SLC25A21: variants seen among roughly 807,000 people sequenced by gnomAD.
The protein encoded by SLC25A21 is solute carrier family 25 member 21, also known as mitochondrial 2-oxodicarboxylate carrier.
In SLC25A21, 47 loss-of-function variants were observed where a neutral mutation model predicts 43.8. The ratio of observed to expected loss-of-function variants is 1.07; its 90% confidence interval spans 0.85 to 1.37. SLC25A21 has a LOEUF of 1.37. Among genes scored for constraint, SLC25A21 ranks in the 40% most tolerant of loss-of-function variants. The pLI, the probability that SLC25A21 is intolerant of heterozygous loss-of-function variation, is 0.00. For synonymous variants in SLC25A21, 131 were observed against 121.3 expected (o/e 1.08, Z -0.52); for missense variants, 352 against 350.2 (o/e 1.00, Z -0.04).
intron 4 of SLC25A21, among the ~76,000 whole-genome samples, chr14:36,731,851 C>T (rs1336936817): frequency 6.6e-6 from 1 of 152,174 alleles, no homozygotes; most frequent in Non-Finnish European, 1.5e-5. Context: ...CTGCCCTGCT[C>T]TCCCCTGGCT....
chr14:36,945,937 T>A (rs1892670406), intron 1 of SLC25A21, among the ~76,000 whole-genome samples: 1 of 151,624 alleles, frequency 6.6e-6, no homozygotes, highest in Non-Finnish European at 1.5e-5. Context: ...GGTGAAAAAA[T>A]TTCACCATTC....
chr14:36,990,333 T>C (rs1169717823), intron 1 of SLC25A21, among the ~76,000 whole-genome samples: 2 of 152,198 alleles, frequency 1.3e-5, no homozygotes, highest in East Asian at 3.9e-4. Flanking sequence ...GCAACTGATC[T>C]GTGGGTCTTT....
chr14:37,083,341 T>G (rs1488439344), intron 1 of SLC25A21, among the ~76,000 whole-genome samples: 1 of 152,238 alleles, frequency 6.6e-6, no homozygotes, highest in Non-Finnish European at 1.5e-5. Context: ...AGGGTTGATT[T>G]ACAATGCAGT....
intron 1 of SLC25A21, among the ~76,000 whole-genome samples, chr14:37,030,088 G>A (rs553599299): frequency 3.0e-4 from 45 of 152,160 alleles, no homozygotes; most frequent in African/African-American, 1.1e-3. Flanking sequence ...TTGACTGGAA[G>A]CCTTACCAAT....
At chr14:37,113,140 A>G (rs1963048966) in intron 1 of SLC25A21, among the ~76,000 whole-genome samples, 1 of 152,176 alleles carries the variant, frequency 6.6e-6, no homozygotes, top group Admixed American at 6.5e-5. Context: ...AGATTTCAAC[A>G]GTCCAAAAAA....
intron 1 of SLC25A21, among the ~76,000 whole-genome samples, chr14:37,020,606 A>C (rs528404459): frequency 6.6e-6 from 1 of 151,930 alleles, no homozygotes; most frequent in African/African-American, 2.4e-5. Flanking sequence ...AATTTGGTCC[A>C]TCTGTCGGGA....
intron 1 of SLC25A21, among the ~76,000 whole-genome samples, chr14:37,121,743 C>T (rs887787981): frequency 1.3e-5 from 2 of 152,118 alleles, no homozygotes; most frequent in South Asian, 2.1e-4. Flanking sequence ...GAGCCAAGAT[C>T]GCGCCACTGC....
At chr14:37,139,444 A>G (rs1963535583) in intron 1 of SLC25A21, among the ~76,000 whole-genome samples, 1 of 152,156 alleles carries the variant, frequency 6.6e-6, no homozygotes, top group African/African-American at 2.4e-5. Flanking sequence ...AACAATGCTT[A>G]TATTTCAACT....
At chr14:37,125,116 G>C (rs1223633600) in intron 1 of SLC25A21, among the ~76,000 whole-genome samples, 1 of 152,176 alleles carries the variant, frequency 6.6e-6, no homozygotes, top group African/African-American at 2.4e-5. Context: ...GGCCACCAAG[G>C]CTCTAGTCCT....
At chr14:37,086,168 T>C (rs980016055) in intron 1 of SLC25A21, among the ~76,000 whole-genome samples, 1 of 152,170 alleles carries the variant, frequency 6.6e-6, no homozygotes, top group Non-Finnish European at 1.5e-5. Context: ...GGGTTTTTTT[T>C]ATTATTGTTG....
intron 1 of SLC25A21, among the ~76,000 whole-genome samples, chr14:37,071,209 A>G (rs763382541): frequency 5.9e-5 from 9 of 152,224 alleles, no homozygotes; most frequent in Non-Finnish European, 1.3e-4. Flanking sequence ...CAAAGCAAAG[A>G]TGTATACATG....
chr14:36,832,871 T>A (rs543425984), intron 2 of SLC25A21, among the ~76,000 whole-genome samples: 4 of 152,230 alleles, frequency 2.6e-5, no homozygotes, highest in Non-Finnish European at 1.5e-5. Context: ...CCACCCTTTT[T>A]TGTGATTAAG....
At chr14:36,691,970 T>TTTAA (rs1295336749) in intron 7 of SLC25A21, among the ~76,000 whole-genome samples, 3 of 152,216 alleles carry the variant, frequency 2.0e-5, no homozygotes, top group African/African-American at 7.2e-5. Flanking sequence ...TTAAAAATGG[T>TTTAA]TTAATTCCCT....
chr14:36,861,770 G>C (rs1007860439), intron 2 of SLC25A21, among the ~76,000 whole-genome samples: 6 of 152,180 alleles, frequency 3.9e-5, no homozygotes, highest in African/African-American at 1.4e-4. Context: ...TTTTAAGCTA[G>C]AGCTAATCTC....
intron 7 of SLC25A21, 44 bp from the exon 8 acceptor site, chr14:36,684,969 C>G: frequency 6.5e-7 from 1 of 1,531,796 alleles, no homozygotes; most frequent in Non-Finnish European, 8.9e-7. Context: ...GGAGCGGAAG[C>G]CCCTAAATCA....
Position 36,759,308 on chromosome 14 carries a change from T to C in SLC25A21, c.204-24735A>G, listed in dbSNP as rs1886052872. On this transcript the variant is annotated intron_variant, in intron 3 of 9. Coordinates refer to ENST00000331299, the MANE Select transcript of SLC25A21 (RefSeq NM_030631.4). ...TGTGAAAGTAAGGTTGCCATCTAAATCTAGGAAAAGCAATCTTGAAATGTG... is the reference window on the plus strand; with the variant it reads ...TGTGAAAGTAAGGTTGCCATCTAAACCTAGGAAAAGCAATCTTGAAATGTG... 2.6e-5 allele frequency among the ~76,000 whole-genome samples: 4 copies of C among 152,204 alleles called. No individual in the cohort carries two copies. The South Asian group carries it at 8.3e-4, about 31-fold the overall frequency.
chr14:36,710,436 GAAAGAA>G lies in SLC25A21; in HGVS notation c.603+876_603+881del, dbSNP rs1883801969. 2.0e-5 allele frequency among the ~76,000 whole-genome samples: 3 copies of G among 151,730 alleles called. No homozygotes were observed. In the South Asian group the frequency reaches 6.3e-4, roughly 32 times the overall value. ...CGGGGAAAAAAAAGAAAGAAAGAAA[GAAAGAA>G]AAAGAAAGAAACAGGGTCTTACTCT... On this transcript the variant is annotated intron_variant, in intron 7 of 9. Coordinates refer to ENST00000331299, the MANE Select transcript of SLC25A21 (RefSeq NM_030631.4).
intron 3 of SLC25A21, among the ~76,000 whole-genome samples, chr14:36,796,348 A>AATTTATTTATTTATTT (rs555283170): frequency 0.015 from 2,284 of 151,334 alleles, 56 homozygotes; most frequent in African/African-American, 0.053. Context: ...ACAGTATGGT[A>AATTTATTTATTTATTT]ATTTATTTAT....
chr14:36,701,718 A>G (rs1350685198), intron 7 of SLC25A21, among the ~76,000 whole-genome samples: 3 of 152,180 alleles, frequency 2.0e-5, no homozygotes, highest in Admixed American at 6.5e-5. Context: ...GTTAGATAAT[A>G]CCACCTAGGA....
Sources: allele counts gnomAD v4.1 joint callset (sites outside exome capture counted in the v4.1 genomes callset), GRCh38; gene constraint gnomAD v4.1.1; transcripts MANE v1.5; gene names NCBI Gene and HGNC (gene_info 2026-07-23, HGNC 2026-07-21).